The following ACO2 variants were observed in gnomAD, a reference collection of about 807,000 sequenced individuals.
ACO2 encodes the protein aconitate hydratase, mitochondrial.
ACO2 carries 31 observed loss-of-function variants against 84.5 expected under a neutral mutation model. That is an observed-to-expected ratio of 0.37 (90% CI 0.28 to 0.50). ACO2 has a LOEUF of 0.50. Ranked by LOEUF, ACO2 falls within the 20% of genes least tolerant of loss-of-function variation. The pLI, the probability that ACO2 is intolerant of heterozygous loss-of-function variation, is 0.97. For synonymous variants in ACO2, 414 were observed against 412.7 expected (o/e 1.00, Z -0.04); for missense variants, 685 against 1,029.3 (o/e 0.67, Z 4.58).
chr22:41,502,373 C>T (rs1327344376), intron 2 of ACO2, among the ~76,000 whole-genome samples: 1 of 152,176 alleles, frequency 6.6e-6, no homozygotes, highest in Admixed American at 6.6e-5. Flanking sequence ...CCCCAAGGGA[C>T]TTACGTGCCT....
At chr22:41,492,826 C>T (rs564219055) in intron 1 of ACO2, among the ~76,000 whole-genome samples, 3 of 152,204 alleles carry the variant, frequency 2.0e-5, no homozygotes, top group East Asian at 1.9e-4. Flanking sequence ...CGCCTGTAAT[C>T]CCAGCTACTC....
At chr22:41,512,022 C>G in intron 4 of ACO2, 54 bp downstream of exon 4, 1 of 1,464,174 alleles carries the variant, frequency 6.8e-7, no homozygotes, top group African/African-American at 1.4e-5. Flanking sequence ...GAAGTATGTT[C>G]CAGGCCTATG....
At chr22:41,523,751 G>GA in intron 11 of ACO2, 79 bp from the exon 12 acceptor site, 1 of 1,323,006 alleles carries the variant, frequency 7.6e-7, no homozygotes, top group Non-Finnish European at 1.1e-6. Context: ...TGCGCCACAG[G>GA]AACCCAGCTT....
At chr22:41,512,068 G>C (rs1174463296) in intron 4 of ACO2, 100 bp downstream of exon 4, 21 of 798,938 alleles carry the variant, frequency 2.6e-5, no homozygotes, top group Middle Eastern at 2.5e-4. Flanking sequence ...GGGCTGAGGG[G>C]AACTGGATGA....
intron 8 of ACO2, among the ~76,000 whole-genome samples, chr22:41,518,930 A>G (rs1440613248): frequency 6.6e-6 from 1 of 152,188 alleles, no homozygotes; most frequent in Non-Finnish European, 1.5e-5. Flanking sequence ...TGGGCGACAG[A>G]GCGACACTGT....
At chr22:41,500,069 T>C (rs1434962663) in intron 2 of ACO2, among the ~76,000 whole-genome samples, 2 of 152,126 alleles carry the variant, frequency 1.3e-5, no homozygotes, top group Non-Finnish European at 2.9e-5. Flanking sequence ...ATCTGTGTTA[T>C]CAAGAAGCCT....
chr22:41,505,683 TTA>T (rs2066388076), intron 2 of ACO2, among the ~76,000 whole-genome samples: 1 of 152,134 alleles, frequency 6.6e-6, no homozygotes. Context: ...ATGAAAATAC[TTA>T]AGATAATGCT....
intron 8 of ACO2, among the ~76,000 whole-genome samples, chr22:41,519,456 C>A (rs2066503637): frequency 6.6e-6 from 1 of 152,152 alleles, no homozygotes; most frequent in African/African-American, 2.4e-5. Context: ...GAGTGCCTCG[C>A]ATTTACTGAT....
At position 41,509,558 on chromosome 22, in the gene ACO2, G is replaced by A. The variant is rs548769513; in HGVS notation, c.432+1509G>A. 5.9e-5 allele frequency among the ~76,000 whole-genome samples: 9 copies of A among 152,284 alleles called. No individual in the cohort carries two copies. In the South Asian group the frequency reaches 1.2e-3, roughly 21 times the overall value. ...TCTTTGAGGATGTGACAGATAACCT[G>A]AGGACTGAACATATGAGTTGCATTG... On this transcript the variant is annotated intron_variant, in intron 3 of 17. Coordinates refer to ENST00000216254, the MANE Select transcript of ACO2 (RefSeq NM_001098.3).
chr22:41,527,108 T>A, intron 15 of ACO2, 180 bp from the exon 16 acceptor site: 1 of 864,370 alleles, frequency 1.2e-6, no homozygotes, highest in Non-Finnish European at 1.7e-6. Flanking sequence ...CTCGTTTGGG[T>A]CTCATTCACG....
At chr22:41,499,942 T>C (rs528403282) in intron 2 of ACO2, 80 bp downstream of exon 2, 22 of 1,555,650 alleles carry the variant, frequency 1.4e-5, no homozygotes, top group Middle Eastern at 1.7e-4. Context: ...AGGAGGTGTT[T>C]TGTGAAGGAT....
At position 41,525,001 on chromosome 22, in the gene ACO2, T is replaced by C. The variant is rs1193570967; in HGVS notation, c.1605+33T>C. 3.1e-6 allele frequency: 5 copies of C among 1,614,078 alleles called. No individual in the cohort carries two copies. The South Asian group carries it at 3.3e-5, about 11-fold the overall frequency. ...CCCACGCCCCCTGCTTGCTGGTTGC[T>C]GTGTGGCCACGTCACTTCCTTCTCA... is the stretch of plus-strand genomic sequence containing the variant. On this transcript the variant is annotated intron_variant, in intron 13 of 17. Coordinates refer to ENST00000216254, the MANE Select transcript of ACO2 (RefSeq NM_001098.3).
intron 15 of ACO2, 86 bp from the exon 16 acceptor site, chr22:41,527,202 G>C: frequency 1.9e-6 from 3 of 1,600,780 alleles, no homozygotes; most frequent in Non-Finnish European, 2.6e-6. Flanking sequence ...CCAGGCGCCA[G>C]GTGGGTGAGG....
chr22:41,484,324 G>A (rs1299097001), intron 1 of ACO2, among the ~76,000 whole-genome samples: 1 of 152,158 alleles, frequency 6.6e-6, no homozygotes, highest in African/African-American at 2.4e-5. Context: ...GGGAGGGAGA[G>A]ATGCAGCATG....
At chr22:41,488,763 C>T (rs945216599) in intron 1 of ACO2, among the ~76,000 whole-genome samples, 4 of 152,156 alleles carry the variant, frequency 2.6e-5, no homozygotes. Context: ...GCTGTGCTTT[C>T]CTCCAGGCCT....
At chr22:41,495,965 A>G (rs575192172) in intron 1 of ACO2, among the ~76,000 whole-genome samples, 2 of 152,180 alleles carry the variant, frequency 1.3e-5, no homozygotes, top group Non-Finnish European at 2.9e-5. Flanking sequence ...ATAAAGAAAC[A>G]GGTTGGTAAT....
chr22:41,493,192 C>A (rs2066286390), intron 1 of ACO2, among the ~76,000 whole-genome samples: 1 of 152,174 alleles, frequency 6.6e-6, no homozygotes, highest in Admixed American at 6.6e-5. Context: ...GCCCTTCTGA[C>A]CTAATCGCCT....
At chr22:41,506,296 A>G (rs1046529313) in intron 2 of ACO2, among the ~76,000 whole-genome samples, 2 of 150,728 alleles carry the variant, frequency 1.3e-5, no homozygotes, top group South Asian at 2.1e-4. Context: ...TCTATTGCCC[A>G]GGCTGGAGTG....
At chr22:41,477,184 G>A (rs371695705) in intron 1 of ACO2, among the ~76,000 whole-genome samples, 2 of 150,766 alleles carry the variant, frequency 1.3e-5, no homozygotes, top group African/African-American at 2.4e-5. Context: ...GACGGAGTCT[G>A]GCTCTGTCTC....
Sources: allele counts gnomAD v4.1 joint callset (sites outside exome capture counted in the v4.1 genomes callset), GRCh38; gene constraint gnomAD v4.1.1; transcripts MANE v1.5; gene names NCBI Gene and HGNC (gene_info 2026-07-23, HGNC 2026-07-21).